Variants in SMIM14 observed in about 807,000 individuals in gnomAD.
SMIM14 encodes chromosome 4 open reading frame 34.
Under a neutral mutation model 12.6 loss-of-function variants are expected in SMIM14, and 5 were observed. The observed-to-expected ratio is 0.40, with a 90% CI of 0.21 to 0.83. SMIM14 has a LOEUF of 0.83. Among genes scored for constraint, SMIM14 ranks in the 40% least tolerant of loss-of-function variants. The pLI, the probability that SMIM14 is intolerant of heterozygous loss-of-function variation, is 0.37. For synonymous variants in SMIM14, 30 were observed against 40.1 expected (o/e 0.75, Z 0.95); for missense variants, 86 against 119.1 (o/e 0.72, Z 1.29).
At chr4:39,602,680 T>C (rs918676872) in intron 2 of SMIM14, among the ~76,000 whole-genome samples, 1 of 152,202 alleles carries the variant, frequency 6.6e-6, no homozygotes, top group African/African-American at 2.4e-5. Flanking sequence ...CACCAAGTTA[T>C]CAGAGCCATC....
intron 2 of SMIM14, 92 bp downstream of exon 2, chr4:39,604,979 G>A (rs1173575905): frequency 3.8e-6 from 3 of 794,636 alleles, no homozygotes; most frequent in Non-Finnish European, 6.3e-6. Context: ...GTGACCATCA[G>A]ATGAAAACCC....
At chr4:39,565,705 C>G (rs985951192) in intron 3 of SMIM14, among the ~76,000 whole-genome samples, 1 of 152,086 alleles carries the variant, frequency 6.6e-6, no homozygotes, top group Admixed American at 6.6e-5. Context: ...TTTTGAAAAA[C>G]GAGAAACAGA....
intron 2 of SMIM14, among the ~76,000 whole-genome samples, chr4:39,577,359 C>G (rs765042632): frequency 6.6e-6 from 1 of 151,572 alleles, no homozygotes; most frequent in Non-Finnish European, 1.5e-5. Flanking sequence ...AAGCAGGAGT[C>G]AAATTATGCC....
At chr4:39,614,235 G>C (rs1437297508) in intron 1 of SMIM14, among the ~76,000 whole-genome samples, 1 of 150,256 alleles carries the variant, frequency 6.7e-6, no homozygotes, top group East Asian at 1.9e-4. Flanking sequence ...AGCAGTAAGG[G>C]AAGCAAACAT....
intron 4 of SMIM14, among the ~76,000 whole-genome samples, chr4:39,554,166 G>A (rs1181455208): frequency 2.6e-5 from 4 of 152,118 alleles, no homozygotes; most frequent in Non-Finnish European, 5.9e-5. Flanking sequence ...GAATTAGTGG[G>A]ATAATTTGGT....
chr4:39,566,516 G>A (rs919386988), intron 3 of SMIM14, among the ~76,000 whole-genome samples: 12 of 151,996 alleles, frequency 7.9e-5, no homozygotes, highest in African/African-American at 2.4e-4. Context: ...ACAGACAGAC[G>A]CACCGAGAAA....
At chr4:39,554,516 G>C (rs894251301) in intron 4 of SMIM14, among the ~76,000 whole-genome samples, 1 of 151,862 alleles carries the variant, frequency 6.6e-6, no homozygotes, top group African/African-American at 2.4e-5. Flanking sequence ...GTGGAGGCAG[G>C]AGAATCACTT....
intron 2 of SMIM14, among the ~76,000 whole-genome samples, chr4:39,599,935 A>C (rs1208443458): frequency 6.6e-5 from 2 of 30,388 alleles, no homozygotes; most frequent in Non-Finnish European, 2.0e-4. Flanking sequence ...AACAACAACA[A>C]AAAAAAAAAA....
At chr4:39,629,896 G>A (rs1470312058) in intron 1 of SMIM14, among the ~76,000 whole-genome samples, 1 of 152,030 alleles carries the variant, frequency 6.6e-6, no homozygotes, top group Non-Finnish European at 1.5e-5. Flanking sequence ...CAAATTGCTG[G>A]GATTACAGGC....
intron 1 of SMIM14, among the ~76,000 whole-genome samples, chr4:39,624,660 C>T (rs2110077794): frequency 6.6e-6 from 1 of 151,414 alleles, no homozygotes; most frequent in South Asian, 2.1e-4. Flanking sequence ...CCCATCTCTA[C>T]TAAAAATACA....
At chr4:39,599,933 C>CAAA (rs56285045) in intron 2 of SMIM14, among the ~76,000 whole-genome samples, 6 of 115,076 alleles carry the variant, frequency 5.2e-5, no homozygotes, top group African/African-American at 7.6e-5. Context: ...AAAACAACAA[C>CAAA]AAAAAAAAAA....
intron 2 of SMIM14, among the ~76,000 whole-genome samples, chr4:39,574,837 A>G (rs925871852): frequency 6.6e-6 from 1 of 152,122 alleles, no homozygotes; most frequent in Non-Finnish European, 1.5e-5. Context: ...TACTACTAAA[A>G]GTAGTCCTGT....
intron 1 of SMIM14, among the ~76,000 whole-genome samples, chr4:39,628,680 T>TCAAACAAA (rs1553867568): frequency 0.011 from 996 of 87,084 alleles, 10 homozygotes; most frequent in African/African-American, 0.031. Context: ...AGACTCCGTC[T>TCAAACAAA]CAAACAAACA....
Position 39,616,641 on chromosome 4 carries a change from T to TAA in SMIM14, c.-35-11463_-35-11462dup, listed in dbSNP as rs5857689. 4.6e-3 allele frequency among the ~76,000 whole-genome samples: 630 copies of TAA among 137,222 alleles called. 7 individuals are homozygous for TAA. The highest frequency in any genetic ancestry group is 0.013 in the African/African-American group (478 of 36,930). 90.0% of individuals were successfully genotyped at this position (137,222 alleles called of 152,430 possible). A position where few individuals can be genotyped will look rare whatever the true frequency, so the allele number is the denominator to read the frequency against. ...CATCTTCCAATCCATTCCTTACATT[T>TAA]AAAAAAAAAAAAAAAGAAAAGAAAA... On this transcript the variant is annotated intron_variant, in intron 1 of 4. Coordinates refer to ENST00000295958, the MANE Select transcript of SMIM14 (RefSeq NM_174921.3).
At chr4:39,595,681 T>C (rs1714327852) in intron 2 of SMIM14, among the ~76,000 whole-genome samples, 1 of 150,734 alleles carries the variant, frequency 6.6e-6, no homozygotes, top group Non-Finnish European at 1.5e-5. Flanking sequence ...CAATCTTGGC[T>C]CACTTCAACC....
intron 1 of SMIM14, among the ~76,000 whole-genome samples, chr4:39,615,616 TG>T (rs929123430): frequency 2.0e-5 from 3 of 152,130 alleles, no homozygotes; most frequent in African/African-American, 7.2e-5. Flanking sequence ...TATGCATGTG[TG>T]GGGGCAGGGG....
intron 2 of SMIM14, among the ~76,000 whole-genome samples, chr4:39,575,897 CTTT>C (rs148467773): frequency 7.5e-6 from 1 of 132,944 alleles, no homozygotes; most frequent in Non-Finnish European, 1.6e-5. Context: ...ACCCAGCCTA[CTTT>C]TTTTTTTTTT....
At chr4:39,633,793 A>G (rs1715994235) in intron 1 of SMIM14, among the ~76,000 whole-genome samples, 2 of 152,242 alleles carry the variant, frequency 1.3e-5, no homozygotes, top group African/African-American at 2.4e-5. Context: ...CAACGAATAC[A>G]AAGTAATAGG....
chr4:39,625,590 G>A (rs557033410), intron 1 of SMIM14, among the ~76,000 whole-genome samples: 4 of 152,172 alleles, frequency 2.6e-5, no homozygotes, highest in East Asian at 3.9e-4. Context: ...ACAGGCACGC[G>A]CCACCACATC....
Sources: allele counts gnomAD v4.1 joint callset (sites outside exome capture counted in the v4.1 genomes callset), GRCh38; gene constraint gnomAD v4.1.1; transcripts MANE v1.5; gene names NCBI Gene and HGNC (gene_info 2026-07-23, HGNC 2026-07-21).